The following TM9SF4 variants were observed in gnomAD, a reference collection of about 807,000 sequenced individuals.
TM9SF4 encodes the protein dinucleotide oxidase disulfide thiol exchanger 3 superfamily member 4.
Under a neutral mutation model 90.4 loss-of-function variants are expected in TM9SF4, and 26 were observed. That is an observed-to-expected ratio of 0.29 (90% confidence interval 0.21 to 0.40). The LOEUF (loss-of-function observed/expected upper bound fraction) is 0.40, where lower values mean the gene tolerates loss of function less well. Ranked by LOEUF, TM9SF4 falls within the 10% of genes least tolerant of loss-of-function variation. TM9SF4 has a pLI of 1.00. For missense variants in TM9SF4, 549 were observed against 834.8 expected (o/e 0.66, Z 4.22); for synonymous variants, 293 against 315.4 (o/e 0.93, Z 0.75).
chr20:32,138,614 G>A (rs932764875), intron 3 of TM9SF4, among the ~76,000 whole-genome samples: 44 of 152,210 alleles, frequency 2.9e-4, no homozygotes, highest in Non-Finnish European at 5.0e-4. Context: ...CTGAGATTGC[G>A]CCATTGCGCT....
At chr20:32,123,168 AGAGGGG>A (rs1436035081) in intron 1 of TM9SF4, among the ~76,000 whole-genome samples, 10 of 35,112 alleles carry the variant, frequency 2.8e-4, no homozygotes, top group Non-Finnish European at 3.7e-4. Flanking sequence ...GAGGAGAGGG[AGAGGGG>A]GAGGGGGGGA....
intron 16 of TM9SF4, chr20:32,161,058 T>C (rs535159829): frequency 4.3e-6 from 2 of 468,182 alleles, no homozygotes; most frequent in African/African-American, 2.0e-5. Context: ...TTTAATGAGG[T>C]ATAAACTGTA....
chr20:32,145,545 A>G (rs6121363), intron 8 of TM9SF4, 122 bp downstream of exon 8: 40,268 of 776,198 alleles, frequency 0.052, 2,858 homozygotes, highest in African/African-American at 0.26. Flanking sequence ...AAAAACAGAC[A>G]TCAGGGCTCT....
chr20:32,133,329 G>A (rs1569069847), intron 2 of TM9SF4, among the ~76,000 whole-genome samples: 1 of 152,140 alleles, frequency 6.6e-6, no homozygotes, highest in Non-Finnish European at 1.5e-5. Flanking sequence ...CTGTCCCTGT[G>A]TATGCTTGTG....
chr20:32,126,182 G>A (rs928703500), intron 1 of TM9SF4, among the ~76,000 whole-genome samples: 9 of 151,490 alleles, frequency 5.9e-5, no homozygotes, highest in African/African-American at 1.9e-4. Context: ...TCTCCTCACT[G>A]CACTGAGAAC....
chr20:32,140,133 G>A (rs6061183), intron 3 of TM9SF4, among the ~76,000 whole-genome samples: 106,579 of 152,004 alleles, frequency 0.7, 39,472 homozygotes, highest in East Asian at 0.99. Context: ...AGAGTGCCCT[G>A]TCGAGCAGAT....
chr20:32,119,900 T>C (rs934799727), intron 1 of TM9SF4, among the ~76,000 whole-genome samples: 1 of 152,206 alleles, frequency 6.6e-6, no homozygotes, highest in African/African-American at 2.4e-5. Flanking sequence ...AAGCACTATG[T>C]TTTGAAAAGA....
chr20:32,139,511 C>T (rs961418415), intron 3 of TM9SF4, among the ~76,000 whole-genome samples: 8 of 152,194 alleles, frequency 5.3e-5, no homozygotes, highest in Admixed American at 3.3e-4. Context: ...CTGTTCCAGT[C>T]ACCGGTGTCA....
chr20:32,146,282 C>G (rs2046761188), intron 8 of TM9SF4, among the ~76,000 whole-genome samples: 1 of 152,108 alleles, frequency 6.6e-6, no homozygotes. Flanking sequence ...GGGAGTGGCT[C>G]TGTACTGTTC....
At chr20:32,158,340 T>G in intron 14 of TM9SF4, 111 bp from the exon 15 acceptor site, 2 of 1,033,444 alleles carry the variant, frequency 1.9e-6, no homozygotes, top group Non-Finnish European at 3.0e-6. Context: ...CCAGAAGAAT[T>G]AGCACCACCA....
In TM9SF4 at chr20:32,167,033, G is replaced by A. The variant is rs1203071051; in HGVS notation, c.*1589G>A. On this transcript the variant is annotated 3_prime_UTR_variant, in exon 18 of 18. Transcript: ENST00000398022. ...AGTTGGAGAAAAGGGAACCCAAGCA[G>A]TAGAGAGCGATATTGGAGTCTTTTG... The A allele has an allele frequency of 6.6e-6, 1 of 151,912 alleles. No individual in the cohort carries two copies. Among genetic ancestry groups the A allele is most frequent in the African/African-American group, 2.4e-5 (1 of 41,370 alleles). The allele number at this position is 151,912 out of a possible 1,614,324, so 9.4% of individuals were successfully genotyped here.
intron 15 of TM9SF4, chr20:32,159,712 C>A (rs1453306472): frequency 8.8e-6 from 4 of 455,610 alleles, no homozygotes; most frequent in Non-Finnish European, 1.6e-5. Context: ...GTGGTGGCTG[C>A]TCTATAATTT....
At chr20:32,128,161 A>G (rs1194789735) in intron 1 of TM9SF4, among the ~76,000 whole-genome samples, 1 of 152,120 alleles carries the variant, frequency 6.6e-6, no homozygotes, top group Non-Finnish European at 1.5e-5. Flanking sequence ...CCCTGGCCTT[A>G]TTTTGGGGCC....
intron 1 of TM9SF4, among the ~76,000 whole-genome samples, chr20:32,123,606 CTT>C (rs2046368208): frequency 1.3e-5 from 2 of 150,848 alleles, no homozygotes; most frequent in South Asian, 4.2e-4. Flanking sequence ...TACCTAAACT[CTT>C]TTTCTTTCTC....
At chr20:32,159,926 G>C in intron 15 of TM9SF4, 66 bp from the exon 16 acceptor site, 1 of 1,606,864 alleles carries the variant, frequency 6.2e-7, no homozygotes. Flanking sequence ...CTTGTGACAG[G>C]TTGGTGTGCC....
intron 8 of TM9SF4, among the ~76,000 whole-genome samples, chr20:32,146,068 A>G (rs2046758234): frequency 6.6e-6 from 1 of 152,228 alleles, no homozygotes; most frequent in Admixed American, 6.5e-5. Flanking sequence ...CTATCATATG[A>G]GAAGCACAGA....
chr20:32,158,383 T>G, intron 14 of TM9SF4, 68 bp from the exon 15 acceptor site: 1 of 1,504,706 alleles, frequency 6.6e-7, no homozygotes, highest in Non-Finnish European at 9.2e-7. Flanking sequence ...TCATGCCAGC[T>G]TGGGAAGGAG....
chr20:32,143,053 C>T lies in TM9SF4; in HGVS notation c.600C>T (p.His200=), dbSNP rs1304143498. 4 of 1,613,882 alleles carry T rather than the reference C, an allele frequency of 2.5e-6. No homozygotes were observed. The African/African-American group carries it at 5.3e-5, about 22-fold the overall frequency. The part of the protein sequence containing the change: ...HREDMEEDQE[H]TYRVVRFEVI... Reference sequence around the variant, plus strand: ...AGGACATGGAAGAGGACCAGGAGCACACGTACCGTGTCGTCCGCTTCGAGG... The same window carrying T: ...AGGACATGGAAGAGGACCAGGAGCATACGTACCGTGTCGTCCGCTTCGAGG... The change falls in exon 6 of 18, where the codon CAC becomes CAT. Residue 200 remains histidine, a synonymous_variant. Coordinates refer to ENST00000398022, the MANE Select transcript of TM9SF4 (RefSeq NM_014742.4).
At chr20:32,138,917 C>G (rs976680706) in intron 3 of TM9SF4, among the ~76,000 whole-genome samples, 8 of 152,216 alleles carry the variant, frequency 5.3e-5, no homozygotes, top group African/African-American at 1.9e-4. Flanking sequence ...ACGAGCAGGT[C>G]TCTGATCCTC....
Sources: gnomAD v4.1 joint callset for allele counts (sites outside exome capture counted in the v4.1 genomes callset) on GRCh38, gnomAD v4.1.1 for gene constraint, MANE v1.5 for transcripts, NCBI Gene and HGNC (gene_info 2026-07-23, HGNC 2026-07-21) for gene names.